Variants in NR1H4 observed in about 807,000 individuals in gnomAD.
The protein encoded by NR1H4 is nuclear receptor subfamily 1 group H member 4.
In NR1H4, 23 loss-of-function variants were observed where a neutral mutation model predicts 58.5. The observed-to-expected ratio is 0.39, with a 90% confidence interval of 0.28 to 0.56. The LOEUF (loss-of-function observed/expected upper bound fraction) is 0.56, where lower values mean the gene tolerates loss of function less well. Ranked by LOEUF, NR1H4 falls within the 20% of genes least tolerant of loss-of-function variation. The pLI is 0.58. For synonymous variants in NR1H4, 214 were observed against 198.0 expected (o/e 1.08, Z -0.68); for missense variants, 487 against 576.9 (o/e 0.84, Z 1.60).
At chr12:100,544,246 G>A (rs914631982) in intron 9 of NR1H4, among the ~76,000 whole-genome samples, 6 of 134,218 alleles carry the variant, frequency 4.5e-5, no homozygotes, top group Non-Finnish European at 7.7e-5. Flanking sequence ...AGTGAGACTC[G>A]GTCTCACAAA....
intron 4 of NR1H4, among the ~76,000 whole-genome samples, chr12:100,511,688 G>A (rs1210240870): frequency 3.9e-5 from 6 of 151,946 alleles, no homozygotes; most frequent in Admixed American, 1.3e-4. Context: ...TTGGGAGGCC[G>A]AGGCAGGCAG....
At chr12:100,509,713 C>CT (rs1479881832) in intron 3 of NR1H4, among the ~76,000 whole-genome samples, 2 of 152,020 alleles carry the variant, frequency 1.3e-5, no homozygotes, top group Admixed American at 6.6e-5. Flanking sequence ...GCACTGTATT[C>CT]TTTTTTTTAA....
intron 1 of NR1H4, among the ~76,000 whole-genome samples, chr12:100,475,758 C>A (rs1436605072): frequency 6.6e-6 from 1 of 152,036 alleles, no homozygotes; most frequent in Admixed American, 6.6e-5. Context: ...TTTTTTGAGA[C>A]AAAGTCTCGC....
chr12:100,501,343 A>G (rs2136124470), intron 3 of NR1H4, among the ~76,000 whole-genome samples: 1 of 150,554 alleles, frequency 6.6e-6, no homozygotes, highest in East Asian at 2.0e-4. Flanking sequence ...TAAACTGAGG[A>G]CTGAAAATGG....
chr12:100,544,068 T>C (rs548840922), intron 9 of NR1H4, among the ~76,000 whole-genome samples: 70 of 151,994 alleles, frequency 4.6e-4, no homozygotes, highest in Non-Finnish European at 8.5e-4. Context: ...CTGGCTAACA[T>C]GGTGAAACCC....
chr12:100,486,970 G>A (rs936752389), intron 1 of NR1H4, among the ~76,000 whole-genome samples: 16 of 152,110 alleles, frequency 1.1e-4, no homozygotes, highest in Non-Finnish European at 2.1e-4. Context: ...TACATTCAAC[G>A]TATGAAGAAC....
chr12:100,511,441 G>T (rs568016805), intron 4 of NR1H4, among the ~76,000 whole-genome samples: 1 of 152,174 alleles, frequency 6.6e-6, no homozygotes, highest in East Asian at 1.9e-4. Flanking sequence ...TGAATTTTTT[G>T]TAGGTTTTGT....
chr12:100,544,166 G>A (rs1016743632), intron 9 of NR1H4, among the ~76,000 whole-genome samples: 15 of 151,264 alleles, frequency 9.9e-5, no homozygotes, highest in African/African-American at 3.6e-4. Context: ...GCAGGAGAAT[G>A]GCGTGAACCC....
intron 9 of NR1H4, among the ~76,000 whole-genome samples, chr12:100,553,202 G>A (rs1955245071): frequency 6.6e-6 from 1 of 152,128 alleles, no homozygotes; most frequent in Admixed American, 6.5e-5. Flanking sequence ...GTTTCACCGT[G>A]TTAGCCAGGA....
chr12:100,532,739 G>A, intron 5 of NR1H4, 129 bp downstream of exon 5: 6 of 808,620 alleles, frequency 7.4e-6, no homozygotes, highest in South Asian at 5.4e-5. Flanking sequence ...TTCTTGAAAA[G>A]GGTAATGAAC....
intron 3 of NR1H4, among the ~76,000 whole-genome samples, chr12:100,510,446 G>A (rs1033699360): frequency 1.3e-5 from 2 of 151,562 alleles, no homozygotes; most frequent in East Asian, 1.9e-4. Context: ...TACAAAACAC[G>A]GTTATATTTC....
At chr12:100,521,549 A>C (rs985321267) in intron 4 of NR1H4, among the ~76,000 whole-genome samples, 3 of 152,178 alleles carry the variant, frequency 2.0e-5, no homozygotes, top group African/African-American at 4.8e-5. Flanking sequence ...ATGCCAAGAG[A>C]GTCTTCACAC....
chr12:100,562,611 C>G (rs1004286237), intron 10 of NR1H4, among the ~76,000 whole-genome samples: 2 of 152,060 alleles, frequency 1.3e-5, no homozygotes, highest in African/African-American at 4.8e-5. Flanking sequence ...CAATCATTTA[C>G]TTAATCTTTA....
At chr12:100,514,940 A>T (rs1295457405) in intron 4 of NR1H4, among the ~76,000 whole-genome samples, 2 of 152,136 alleles carry the variant, frequency 1.3e-5, no homozygotes, top group Non-Finnish European at 2.9e-5. Flanking sequence ...ATAATGAAGT[A>T]TATTAGATTG....
At chr12:100,560,090 TG>T (rs1158898044) in intron 9 of NR1H4, among the ~76,000 whole-genome samples, 1 of 152,102 alleles carries the variant, frequency 6.6e-6, no homozygotes, top group Non-Finnish European at 1.5e-5. Flanking sequence ...GCTGCTCTGG[TG>T]GGGCCTTGGA....
At chr12:100,515,165 CTTTT>C (rs59404984) in intron 4 of NR1H4, among the ~76,000 whole-genome samples, 14 of 94,842 alleles carry the variant, frequency 1.5e-4, no homozygotes, top group African/African-American at 4.6e-4. Context: ...TTTGTCAAAG[CTTTT>C]TTTTTTTTTT....
chr12:100,551,614 G>A (rs1955204183), intron 9 of NR1H4, among the ~76,000 whole-genome samples: 1 of 152,246 alleles, frequency 6.6e-6, no homozygotes, highest in Non-Finnish European at 1.5e-5. Flanking sequence ...CTTGGATTAA[G>A]AGGAAACATT....
chr12:100,508,148 A>C lies in NR1H4; in HGVS notation c.80-2630A>C, dbSNP rs539712082. On this transcript the variant is annotated intron_variant, in intron 3 of 10. Coordinates refer to ENST00000392986, the MANE Select transcript of NR1H4 (RefSeq NM_001206979.2). Reference sequence around the variant, plus strand: ...TTCTGTTGGGAAGACTTCCCAAGAGAAGCAATACCCACAGGGAATTTAGAG... The same window carrying C: ...TTCTGTTGGGAAGACTTCCCAAGAGCAGCAATACCCACAGGGAATTTAGAG... 8.5e-5 allele frequency among the ~76,000 whole-genome samples: 13 copies of C among 152,118 alleles called. No homozygotes were observed. The South Asian group carries it at 1.5e-3, about 17-fold the overall frequency.
intron 3 of NR1H4, among the ~76,000 whole-genome samples, chr12:100,500,453 A>G (rs775183232): frequency 1.3e-5 from 2 of 152,214 alleles, no homozygotes; most frequent in African/African-American, 2.4e-5. Context: ...ACTTCGTCCA[A>G]TACAGTAGCC....
Sources: allele counts gnomAD v4.1 joint callset (sites outside exome capture counted in the v4.1 genomes callset), GRCh38; gene constraint gnomAD v4.1.1; transcripts MANE v1.5; gene names NCBI Gene and HGNC (gene_info 2026-07-23, HGNC 2026-07-21).